Variants in MPPED2 observed in about 807,000 individuals in gnomAD.
MPPED2 encodes the protein metallophosphoesterase domain containing 2.
MPPED2 carries 5 observed loss-of-function variants against 33.0 expected under a neutral mutation model. The observed-to-expected ratio is 0.15, with a 90% CI of 0.08 to 0.32. The LOEUF (loss-of-function observed/expected upper bound fraction) is 0.32, where lower values mean the gene tolerates loss of function less well. MPPED2 is among the 10% of genes least tolerant of loss of function. The probability of loss-of-function intolerance (pLI) is 1.00; values close to 1 mark genes in which losing one functional copy is unlikely to be tolerated. For synonymous variants in MPPED2, 136 were observed against 141.9 expected (o/e 0.96, Z 0.29); for missense variants, 275 against 372.1 (o/e 0.74, Z 2.15).
chr11:30,518,971 T>C (rs1235511399), intron 3 of MPPED2, among the ~76,000 whole-genome samples: 7 of 152,218 alleles, frequency 4.6e-5, no homozygotes, highest in South Asian at 4.1e-4. Context: ...ATATTCATTT[T>C]GGAATTCATA....
At chr11:30,454,646 T>A (rs1468190877) in intron 4 of MPPED2, among the ~76,000 whole-genome samples, 1 of 152,146 alleles carries the variant, frequency 6.6e-6, no homozygotes, top group Non-Finnish European at 1.5e-5. Context: ...CTGTTCTCTC[T>A]CCTTTTTAAA....
chr11:30,569,863 C>T (rs1265745494), intron 2 of MPPED2, among the ~76,000 whole-genome samples: 1 of 152,222 alleles, frequency 6.6e-6, no homozygotes, highest in East Asian at 1.9e-4. Flanking sequence ...TGTCTCATCT[C>T]CCTGTTGACT....
At chr11:30,461,273 A>C (rs1324736974) in intron 4 of MPPED2, among the ~76,000 whole-genome samples, 2 of 152,182 alleles carry the variant, frequency 1.3e-5, no homozygotes, top group Admixed American at 1.3e-4. Context: ...ATAACGAAAA[A>C]AGCTCTGGAG....
At chr11:30,491,932 C>T (rs1043003534) in intron 4 of MPPED2, among the ~76,000 whole-genome samples, 5 of 152,102 alleles carry the variant, frequency 3.3e-5, no homozygotes, top group Admixed American at 2.6e-4. Flanking sequence ...GGGCAAAAAT[C>T]ATTTAAAGAT....
At chr11:30,494,404 G>T (rs1163962568) in intron 4 of MPPED2, among the ~76,000 whole-genome samples, 1 of 151,990 alleles carries the variant, frequency 6.6e-6, no homozygotes, top group Non-Finnish European at 1.5e-5. Context: ...CATAATCAGA[G>T]GTTCCGCATC....
chr11:30,520,705 ATAAT>A (rs1277903646), intron 3 of MPPED2, among the ~76,000 whole-genome samples: 1 of 152,238 alleles, frequency 6.6e-6, no homozygotes, highest in Non-Finnish European at 1.5e-5. Flanking sequence ...ATTTCTTAAA[ATAAT>A]TATCAATTTC....
chr11:30,542,044 A>G (rs1193073049), intron 2 of MPPED2, among the ~76,000 whole-genome samples: 1 of 152,250 alleles, frequency 6.6e-6, no homozygotes, highest in Non-Finnish European at 1.5e-5. Flanking sequence ...AAAACCTGCC[A>G]GCACAACAAT....
intron 2 of MPPED2, among the ~76,000 whole-genome samples, chr11:30,574,285 A>G (rs1305690923): frequency 6.6e-6 from 1 of 152,140 alleles, no homozygotes; most frequent in Non-Finnish European, 1.5e-5. Context: ...ATATATTTAG[A>G]TACACAATAG....
intron 2 of MPPED2, among the ~76,000 whole-genome samples, chr11:30,537,497 A>G (rs1480060369): frequency 6.6e-6 from 1 of 152,102 alleles, no homozygotes. Context: ...TCCTTTATTT[A>G]TTTATTTTCT....
intron 4 of MPPED2, among the ~76,000 whole-genome samples, chr11:30,494,737 C>CAAAAAAAAAAAAAAAAAAAAAAAAAAAAA (rs767500886): frequency 2.1e-5 from 1 of 47,624 alleles, no homozygotes; most frequent in Non-Finnish European, 3.9e-5. Flanking sequence ...TACTCCACCT[C>CAAAAAAAAAAAAAAAAAAAAAAAAAAAAA]AAAAAAAAAA....
At chr11:30,432,772 C>T (rs908101164) in intron 4 of MPPED2, among the ~76,000 whole-genome samples, 10 of 152,140 alleles carry the variant, frequency 6.6e-5, no homozygotes, top group African/African-American at 2.4e-4. Context: ...AAATCAACAG[C>T]ATTACTTTGA....
At chr11:30,437,217 A>C (rs2133877912) in intron 4 of MPPED2, among the ~76,000 whole-genome samples, 1 of 152,304 alleles carries the variant, frequency 6.6e-6, no homozygotes, top group South Asian at 2.1e-4. Context: ...CCTACCCACA[A>C]CTCAGAATGA....
At chr11:30,422,587 C>A (rs940171798) in intron 4 of MPPED2, among the ~76,000 whole-genome samples, 1 of 152,116 alleles carries the variant, frequency 6.6e-6, no homozygotes, top group South Asian at 2.1e-4. Flanking sequence ...CTGGAAAATA[C>A]GTGCACAGCC....
At chr11:30,526,760 A>G (rs943111109) in intron 3 of MPPED2, among the ~76,000 whole-genome samples, 1 of 151,972 alleles carries the variant, frequency 6.6e-6, no homozygotes, top group Non-Finnish European at 1.5e-5. Context: ...CTGTTAGGTA[A>G]TCATAAACTT....
chr11:30,480,035 T>C lies in MPPED2; in HGVS notation c.536+15261A>G, dbSNP rs1590464160. Among the ~76,000 whole-genome samples the C allele has an allele frequency of 2.0e-5, 3 of 152,226 alleles. 1 individual carries two copies. In the East Asian group the frequency reaches 5.8e-4, roughly 29 times the overall value. Reference sequence around the variant, plus strand: ...GGAATCATGTCTGGACTGTTTCAACTGGGAGGGTGTTGGTGTAATGTTGGT... The same window carrying C: ...GGAATCATGTCTGGACTGTTTCAACCGGGAGGGTGTTGGTGTAATGTTGGT... On this transcript the variant is annotated intron_variant, in intron 4 of 6. Coordinates refer to ENST00000358117, the MANE Select transcript of MPPED2 (RefSeq NM_001584.3).
chr11:30,410,329 C>T lies in MPPED2; in HGVS notation c.*1139G>A. On this transcript the variant is annotated 3_prime_UTR_variant, in exon 7 of 7. Coordinates refer to ENST00000358117, the MANE Select transcript of MPPED2 (RefSeq NM_001584.3). ...TTCCTAAATTTCATTAACAAAGTAA[C>T]ATAAAATAGAATAAAGCTCAACAGC... 1.0e-6 allele frequency: 1 copy of T among 985,346 alleles called. No homozygotes were observed. Among genetic ancestry groups the T allele is most frequent in the Non-Finnish European group, 1.2e-6 (1 of 829,548 alleles). 61.0% of individuals were successfully genotyped at this position (985,346 alleles called of 1,614,324 possible). A position where few individuals can be genotyped will look rare whatever the true frequency, so the allele number is the denominator to read the frequency against.
chr11:30,498,070 T>C (rs1035452361), intron 3 of MPPED2, among the ~76,000 whole-genome samples: 6 of 141,900 alleles, frequency 4.2e-5, no homozygotes. Flanking sequence ...TTTTCGTTGT[T>C]TTTTTTTTTC....
intron 2 of MPPED2, among the ~76,000 whole-genome samples, chr11:30,569,635 T>A (rs1478704001): frequency 2.0e-5 from 3 of 152,162 alleles, no homozygotes. Flanking sequence ...TAGTCTTACA[T>A]CTCTCGAAAG....
intron 2 of MPPED2, among the ~76,000 whole-genome samples, chr11:30,565,357 G>A (rs939819546): frequency 1.3e-5 from 2 of 152,114 alleles, no homozygotes; most frequent in African/African-American, 2.4e-5. Context: ...GTGGATTTTG[G>A]TGTCTTCCCT....
Sources: gnomAD v4.1 joint callset for allele counts (sites outside exome capture counted in the v4.1 genomes callset) on GRCh38, gnomAD v4.1.1 for gene constraint, MANE v1.5 for transcripts, NCBI Gene and HGNC (gene_info 2026-07-23, HGNC 2026-07-21) for gene names.